PACRG: variants seen among roughly 807,000 people sequenced by gnomAD.
PACRG encodes the protein parkin coregulated, also known as parkin coregulated gene protein.
In PACRG, 29 loss-of-function variants were observed where a neutral mutation model predicts 29.7. That is an observed-to-expected ratio of 0.98 (90% CI 0.73 to 1.33). The LOEUF is 1.33. Ranked by LOEUF, PACRG falls within the 40% of genes most tolerant of loss-of-function variation. The pLI, the probability that PACRG is intolerant of heterozygous loss-of-function variation, is 0.00. For missense variants in PACRG, 279 were observed against 316.2 expected (o/e 0.88, Z 0.89); for synonymous variants, 116 against 118.7 (o/e 0.98, Z 0.15).
intron 4 of PACRG, chr6:163,112,116 A>T (rs1167466190): frequency 1.2e-6 from 1 of 845,216 alleles, no homozygotes; most frequent in Non-Finnish European, 1.4e-6. Context: ...TAGAGTAAAA[A>T]GCACCAGGCA....
At position 163,179,725 on chromosome 6, in the gene PACRG, AT is replaced by A. The variant is rs761613882; in HGVS notation, c.613+90321del. Among the ~76,000 whole-genome samples the A allele has an allele frequency of 4.6e-3, 313 of 67,400 alleles. 7 individuals are homozygous for A. The highest frequency in any genetic ancestry group is 0.041 in the East Asian group (138 of 3,352). The allele number at this position is 67,400 out of a possible 152,430, so 44.2% of individuals were successfully genotyped here. On this transcript the variant is annotated intron_variant, in intron 4 of 4. Transcript: ENST00000366888. ...TCTGTCTCAAAAAAAAAAAAAAAAA[AT>A]TTTCTTACATCACTAGTTTTCTTGC... is the stretch of plus-strand genomic sequence containing the variant.
At chr6:163,193,211 G>A (rs1213409870) in intron 4 of PACRG, among the ~76,000 whole-genome samples, 2 of 152,026 alleles carry the variant, frequency 1.3e-5, no homozygotes, top group South Asian at 2.1e-4. Context: ...AATGTGCCAC[G>A]TTATATTTTA....
rs371466205 is a variant in PACRG, at chr6:162,947,337, TATATA to T, written c.292-114810_292-114806del. On this transcript the variant is annotated intron_variant, in intron 2 of 4. Transcript: ENST00000366888. Reference sequence around the variant, plus strand: ...ATCATATATAATACATATAATCATATATATAATGATTACATATATATAATGTAATC... The same window carrying T: ...ATCATATATAATACATATAATCATATATGATTACATATATATAATGTAATC... 5.1e-3 allele frequency among the ~76,000 whole-genome samples: 108 copies of T among 21,270 alleles called. 1 individual carries two copies. The highest frequency in any genetic ancestry group is 8.8e-3 in the African/African-American group (98 of 11,154). The allele number at this position is 21,270 out of a possible 152,430, so 14.0% of individuals were successfully genotyped here.
intron 2 of PACRG, among the ~76,000 whole-genome samples, chr6:162,906,228 G>C (rs1366544499): frequency 1.3e-5 from 2 of 152,140 alleles, no homozygotes; most frequent in South Asian, 2.1e-4. Flanking sequence ...TCCAAAATAA[G>C]TATTTCAAAA....
At chr6:162,906,294 C>A (rs545664059) in intron 2 of PACRG, among the ~76,000 whole-genome samples, 1 of 152,272 alleles carries the variant, frequency 6.6e-6, no homozygotes, top group Middle Eastern at 3.4e-3. Context: ...TAAGTCAATC[C>A]TCTTCCTCTG....
At chr6:163,304,064 C>G (rs1785106170) in intron 4 of PACRG, among the ~76,000 whole-genome samples, 2 of 143,044 alleles carry the variant, frequency 1.4e-5, no homozygotes, top group Admixed American at 1.4e-4. Context: ...TCATTTTTCA[C>G]TATGAACAAA....
chr6:162,885,757 C>T (rs986318783), intron 2 of PACRG, among the ~76,000 whole-genome samples: 12 of 151,470 alleles, frequency 7.9e-5, no homozygotes, highest in Non-Finnish European at 1.2e-4. Flanking sequence ...TGTGTGTGTG[C>T]GTGCACACGT....
chr6:163,138,174 T>C (rs1435279813), intron 4 of PACRG, among the ~76,000 whole-genome samples: 1 of 152,252 alleles, frequency 6.6e-6, no homozygotes, highest in African/African-American at 2.4e-5. Flanking sequence ...TAATTACACA[T>C]TGTGATACTT....
chr6:162,981,957 T>C (rs1802474676), intron 2 of PACRG, among the ~76,000 whole-genome samples: 1 of 151,322 alleles, frequency 6.6e-6, no homozygotes, highest in Non-Finnish European at 1.5e-5. Flanking sequence ...TGTTTCAATA[T>C]TGTTACTATT....
At chr6:163,165,217 G>A (rs144251371) in intron 4 of PACRG, among the ~76,000 whole-genome samples, 1 of 152,346 alleles carries the variant, frequency 6.6e-6, no homozygotes, top group African/African-American at 2.4e-5. Context: ...AGTTTCTGGA[G>A]ATGCACGTTA....
chr6:163,302,094 A>G (rs1018138677), intron 4 of PACRG, among the ~76,000 whole-genome samples: 1 of 152,252 alleles, frequency 6.6e-6, no homozygotes, highest in African/African-American at 2.4e-5. Flanking sequence ...CAAAAGTATC[A>G]AAAGTCAGCA....
rs73784517 is a variant in PACRG, at chr6:163,172,991, G to A, written c.613+83583G>A. On this transcript the variant is annotated intron_variant, in intron 4 of 4. Transcript: ENST00000366888. ...TGGAATATTATATCACCATTTAAAT[G>A]AGTGGAGAGTATCTAAGAACATGAT... Among the ~76,000 whole-genome samples the A allele has an allele frequency of 4.7e-3, 713 of 152,308 alleles. 6 individuals carry two copies. Among genetic ancestry groups the A allele is most frequent in the African/African-American group, 0.016 (660 of 41,564 alleles).
At chr6:162,765,906 CT>C (rs1300476621) in intron 1 of PACRG, among the ~76,000 whole-genome samples, 13 of 151,816 alleles carry the variant, frequency 8.6e-5, no homozygotes, top group Non-Finnish European at 1.8e-4. Context: ...GGTGTTTCTT[CT>C]TTTTTCTTTT....
At position 163,111,626 on chromosome 6, in the gene PACRG, G is replaced by C. The variant is rs936206565; in HGVS notation, c.613+22218G>C. Among the ~76,000 whole-genome samples the C allele has an allele frequency of 4.6e-5, 7 of 152,184 alleles. No individual in the cohort carries two copies. In the East Asian group the frequency reaches 9.6e-4, roughly 21 times the overall value. ...AGCCCCCTCCCTTTGAAACCCACTT[G>C]TGGTCAGTGTTAGAGAGCTGATGGT... On this transcript the variant is annotated intron_variant, in intron 4 of 4. Coordinates refer to ENST00000366888, the MANE Select transcript of PACRG (RefSeq NM_001080379.2).
intron 4 of PACRG, among the ~76,000 whole-genome samples, chr6:163,234,935 T>C (rs1291534004): frequency 6.6e-6 from 1 of 152,086 alleles, no homozygotes; most frequent in African/African-American, 2.4e-5. Flanking sequence ...CGAAGGAAAG[T>C]GGGGCCAAAT....
chr6:163,113,973 A>G (rs1397315087), intron 4 of PACRG, among the ~76,000 whole-genome samples: 2 of 152,230 alleles, frequency 1.3e-5, no homozygotes, highest in African/African-American at 4.8e-5. Context: ...ATTAAGACGT[A>G]ATTTTGTAAT....
intron 1 of PACRG, among the ~76,000 whole-genome samples, chr6:162,787,477 A>G (rs1431677909): frequency 6.7e-6 from 1 of 149,548 alleles, no homozygotes; most frequent in African/African-American, 2.5e-5. Context: ...ATATAGTTAT[A>G]TATGTATATG....
chr6:163,183,313 A>G (rs1471311498), intron 4 of PACRG: 3 of 152,268 alleles, frequency 2.0e-5, no homozygotes, highest in Non-Finnish European at 2.9e-5. Flanking sequence ...CTTACAGATT[A>G]GGTCAGGTCT....
chr6:163,061,812 A>G (rs1811119971), intron 2 of PACRG, among the ~76,000 whole-genome samples: 1 of 152,204 alleles, frequency 6.6e-6, no homozygotes, highest in Non-Finnish European at 1.5e-5. Context: ...TTCAGCAAAC[A>G]TTCTAGAGGC....
Sources: gnomAD v4.1 joint callset for allele counts (sites outside exome capture counted in the v4.1 genomes callset) on GRCh38, gnomAD v4.1.1 for gene constraint, MANE v1.5 for transcripts, NCBI Gene and HGNC (gene_info 2026-07-23, HGNC 2026-07-21) for gene names.